Variants in SERF2 observed in about 807,000 individuals in gnomAD.
SERF2 encodes gastric cancer-related protein VRG107.
A neutral mutation model predicts 10.7 loss-of-function variants in SERF2; 4 were observed. The ratio of observed to expected loss-of-function variants is 0.37; its 90% CI spans 0.18 to 0.86. The LOEUF is 0.86. Among genes scored for constraint, SERF2 ranks in the 40% least tolerant of loss-of-function variants. SERF2 has a pLI of 0.43. For missense variants in SERF2, 47 were observed against 79.1 expected (o/e 0.59, Z 1.54); for synonymous variants, 26 against 26.0 (o/e 1.00, Z 0.01).
chr15:43,788,343 G>A (rs970927423), upstream of SERF2, among the ~76,000 whole-genome samples: 1 of 151,522 alleles, frequency 6.6e-6, no homozygotes, highest in African/African-American at 2.4e-5. Flanking sequence ...ATCCAGGATG[G>A]TCTTGATCTC....
chr15:43,792,105 T>C, upstream of SERF2: 8 of 442,884 alleles, frequency 1.8e-5, no homozygotes, highest in Non-Finnish European at 2.1e-5. Flanking sequence ...TGACCCGGCC[T>C]AGTTTCTCCA....
At chr15:43,793,491 C>T (rs2087121077) in intron 2 of SERF2, 2 of 1,358,042 alleles carry the variant, frequency 1.5e-6, no homozygotes, top group Admixed American at 2.9e-5. Flanking sequence ...GGGCCTGTGT[C>T]ACCAGACTTC....
At chr15:43,777,149 C>T (rs1164301405) in exon 1 of SERF2, 2 of 685,896 alleles carry the variant, frequency 2.9e-6, no homozygotes, top group Admixed American at 2.1e-5. Flanking sequence ...GCATGAATCG[C>T]TTTGGGCTAT....
upstream of SERF2, among the ~76,000 whole-genome samples, chr15:43,790,327 C>CAT (rs1174238914): frequency 6.6e-6 from 1 of 151,348 alleles, no homozygotes; most frequent in Non-Finnish European, 1.5e-5. Context: ...ACCAAAAATT[C>CAT]ATATATATAG....
chr15:43,793,956 G>A lies in SERF2; in HGVS notation c.*183G>A. 2 of 1,546,504 alleles carry A rather than the reference G, an allele frequency of 1.3e-6. No homozygotes were observed. The highest frequency in any genetic ancestry group is 8.7e-7 in the Non-Finnish European group (1 of 1,145,252). ...CCTCAGGTAGCCTCTCTCCCCCTGG[G>A]CCACTCCCGGGGGTGAGGGGGTTAC... is the stretch of plus-strand genomic sequence containing the variant. On this transcript the variant is annotated 3_prime_UTR_variant, in exon 3 of 3. Transcript: ENST00000249786.
Position 43,792,362 on chromosome 15 carries a change from G to A in SERF2, c.-15G>A, listed in dbSNP as rs1051316031. 6.2e-7 allele frequency: 1 copy of A among 1,607,602 alleles called. No individual in the cohort carries two copies. Among genetic ancestry groups the A allele is most frequent in the African/African-American group, 1.3e-5 (1 of 74,958 alleles). On this transcript the variant is annotated 5_prime_UTR_variant, in exon 1 of 3. Coordinates refer to ENST00000249786, the MANE Select transcript of SERF2 (RefSeq NM_001018108.4). ...GGGGACGTAACGGAGGCAGGTTGGA[G>A]CCGCTGCCGTCGCCATGACCCGTGA...
chr15:43,792,327 G>A lies in SERF2; in HGVS notation c.-50G>A, dbSNP rs772164813. The A allele has an allele frequency of 2.0e-6, 3 of 1,496,522 alleles. No homozygotes were observed. Among genetic ancestry groups the A allele is most frequent in the Non-Finnish European group, 2.8e-6 (3 of 1,072,776 alleles). 92.7% of individuals were successfully genotyped at this position (1,496,522 alleles called of 1,614,324 possible). On this transcript the variant is annotated 5_prime_UTR_variant, in exon 1 of 3. Coordinates refer to ENST00000249786, the MANE Select transcript of SERF2 (RefSeq NM_001018108.4). ...AGAAGGGGCGGGACCTGCAACGTCCGACAGAACGAGGGGACGTAACGGAGG... is the reference window on the plus strand; with the variant it reads ...AGAAGGGGCGGGACCTGCAACGTCCAACAGAACGAGGGGACGTAACGGAGG...
chr15:43,788,366 T>G (rs1041965145), upstream of SERF2, among the ~76,000 whole-genome samples: 2 of 152,210 alleles, frequency 1.3e-5, no homozygotes, highest in Non-Finnish European at 2.9e-5. Context: ...GACCTCGTGA[T>G]CGGCCCGCCT....
chr15:43,786,156 C>T (rs1248972088), intron 2 of SERF2, among the ~76,000 whole-genome samples: 1 of 151,930 alleles, frequency 6.6e-6, no homozygotes, highest in African/African-American at 2.4e-5. Flanking sequence ...CGGCTCACGC[C>T]TGTAATCCCA....
At chr15:43,785,704 CTTTTT>C (rs71415810) in intron 2 of SERF2, among the ~76,000 whole-genome samples, 1 of 122,674 alleles carries the variant, frequency 8.2e-6, no homozygotes. Context: ...TTTTCTTTTT[CTTTTT>C]TTTTTTTTTT....
rs1323871010 is a variant in SERF2, at chr15:43,794,903, CCT to C, written c.*1131_*1132del. The C allele has an allele frequency of 1.1e-5, 10 of 909,846 alleles. No individual in the cohort carries two copies. The highest frequency in any genetic ancestry group is 3.5e-4 in the Middle Eastern group (1 of 2,856). 56.4% of individuals were successfully genotyped at this position (909,846 alleles called of 1,614,324 possible). A position where few individuals can be genotyped will look rare whatever the true frequency, so the allele number is the denominator to read the frequency against. ...ACTTCAGCCCAAACGGAGATAACTC[CCT>C]GTGTGTCCTTGAGGTATTGAGCTGG... On this transcript the variant is annotated 3_prime_UTR_variant, in exon 3 of 3. Coordinates refer to ENST00000249786, the MANE Select transcript of SERF2 (RefSeq NM_001018108.4).
At position 43,795,556 on chromosome 15, in the gene SERF2, TGGC is replaced by T; in HGVS notation, c.*1784_*1786del. 6.2e-7 allele frequency: 1 copy of T among 1,613,990 alleles called. No individual in the cohort carries two copies. The highest frequency in any genetic ancestry group is 1.1e-5 in the South Asian group (1 of 91,072). On this transcript the variant is annotated 3_prime_UTR_variant, in exon 3 of 3. Coordinates refer to ENST00000249786, the MANE Select transcript of SERF2 (RefSeq NM_001018108.4). Reference sequence around the variant, plus strand: ...ACCCCTTTGCCCTGGAGAGAGGAAATGGCTGCTGGGAGCAGAGCTGCTGAAACA... The same window carrying T: ...ACCCCTTTGCCCTGGAGAGAGGAAATTGCTGGGAGCAGAGCTGCTGAAACA...
rs1034061455 is a variant in SERF2, at chr15:43,793,951, C to A, written c.*178C>A. The A allele has an allele frequency of 1.9e-6, 3 of 1,549,508 alleles. No homozygotes were observed. Among genetic ancestry groups the A allele is most frequent in the East Asian group, 2.4e-5 (1 of 41,084 alleles). On this transcript the variant is annotated 3_prime_UTR_variant, in exon 3 of 3. Coordinates refer to ENST00000249786, the MANE Select transcript of SERF2 (RefSeq NM_001018108.4). ...CTTCCCCTCAGGTAGCCTCTCTCCC[C>A]CTGGGCCACTCCCGGGGGTGAGGGG...
chr15:43,781,617 G>A (rs1270564604), intron 1 of SERF2, among the ~76,000 whole-genome samples: 1 of 139,686 alleles, frequency 7.2e-6, no homozygotes, highest in African/African-American at 2.8e-5. Flanking sequence ...TTTGAGACAA[G>A]GTCTCACTAT....
intron 2 of SERF2, chr15:43,793,323 C>T (rs2087116473): frequency 1.7e-6 from 1 of 576,314 alleles, no homozygotes; most frequent in Non-Finnish European, 3.1e-6. Context: ...CTGGGTCTGA[C>T]CTTAAGGGCA....
chr15:43,794,818 C>CA lies in SERF2; in HGVS notation c.*1046dup, dbSNP rs2087164017. 2 of 579,158 alleles carry CA rather than the reference C, an allele frequency of 3.5e-6. No individual in the cohort carries two copies. The highest frequency in any genetic ancestry group is 2.3e-5 in the South Asian group (1 of 43,220). 35.9% of individuals were successfully genotyped at this position (579,158 alleles called of 1,614,324 possible). A position where few individuals can be genotyped will look rare whatever the true frequency, so the allele number is the denominator to read the frequency against. On this transcript the variant is annotated 3_prime_UTR_variant, in exon 3 of 3. Transcript: ENST00000249786. ...AGATGTAACAGTAGCTCCAGTGAGTCAGACACTCTGCCCAGCACATTAGAC... is the reference window on the plus strand; with the variant it reads ...AGATGTAACAGTAGCTCCAGTGAGTCAAGACACTCTGCCCAGCACATTAGAC...
chr15:43,794,069 G>A lies in SERF2; in HGVS notation c.*296G>A. 1 of 1,193,040 alleles carries A rather than the reference G, an allele frequency of 8.4e-7. No homozygotes were observed. The highest frequency in any genetic ancestry group is 1.1e-6 in the Non-Finnish European group (1 of 880,724). The allele number at this position is 1,193,040 out of a possible 1,614,324, so 73.9% of individuals were successfully genotyped here. On this transcript the variant is annotated 3_prime_UTR_variant, in exon 3 of 3. Coordinates refer to ENST00000249786, the MANE Select transcript of SERF2 (RefSeq NM_001018108.4). ...TTCCTTGAGCGCCTGGTTTGACTGG[G>A]GACTTGGGGGGATGGGGTTGGAAGA...
At chr15:43,792,431 T>G in intron 1 of SERF2, 48 bp downstream of exon 1, 1 of 1,613,794 alleles carries the variant, frequency 6.2e-7, no homozygotes, top group Non-Finnish European at 8.5e-7. Context: ...CCGTTCACCC[T>G]AAACACCACC....
chr15:43,790,813 G>C (rs904039866), upstream of SERF2, among the ~76,000 whole-genome samples: 3 of 151,570 alleles, frequency 2.0e-5, no homozygotes, highest in Non-Finnish European at 2.9e-5. Context: ...GCCCAGGCTG[G>C]AGGGCAGTGG....
Sources: gnomAD v4.1 joint callset for allele counts (sites outside exome capture counted in the v4.1 genomes callset) on GRCh38, gnomAD v4.1.1 for gene constraint, MANE v1.5 for transcripts, NCBI Gene and HGNC (gene_info 2026-07-23, HGNC 2026-07-21) for gene names.